CGREF1: variants seen among roughly 807,000 people sequenced by gnomAD.
CGREF1 encodes the protein cell growth regulator with EF-hand domain 1, also known as cell growth regulator with EF hand domain protein 1.
Under a neutral mutation model 17.4 loss-of-function variants are expected in CGREF1, and 16 were observed. The ratio of observed to expected loss-of-function variants is 0.92; its 90% CI spans 0.62 to 1.40. CGREF1 has a LOEUF of 1.40. CGREF1 is among the 40% of genes most tolerant of loss of function. The pLI is 0.00. For missense variants in CGREF1, 296 were observed against 376.4 expected, an observed-to-expected ratio of 0.79 and a Z score of 1.77; for synonymous variants, 142 against 154.6, an observed-to-expected ratio of 0.92 and a Z score of 0.61.
chr2:27,103,839 C>A (rs1432155919), intron 2 of CGREF1, among the ~76,000 whole-genome samples: 4 of 152,070 alleles, frequency 2.6e-5, no homozygotes, highest in Admixed American at 6.5e-5. Context: ...AAAAATTAGC[C>A]CAGCATGGTG....
At chr2:27,107,362 C>G (rs183479459) in intron 1 of CGREF1, among the ~76,000 whole-genome samples, 1 of 152,030 alleles carries the variant, frequency 6.6e-6, no homozygotes, top group Non-Finnish European at 1.5e-5. Context: ...TCCAGCAATT[C>G]CCCTGCCTCA....
At chr2:27,111,128 T>C (rs1671363200) in intron 1 of CGREF1, among the ~76,000 whole-genome samples, 1 of 152,236 alleles carries the variant, frequency 6.6e-6, no homozygotes, top group African/African-American at 2.4e-5. Flanking sequence ...AGCCTGCTTT[T>C]ATTCTCTTAT....
At chr2:27,117,709 T>C (rs77026824) in intron 1 of CGREF1, among the ~76,000 whole-genome samples, 2 of 147,474 alleles carry the variant, frequency 1.4e-5, no homozygotes, top group African/African-American at 5.0e-5. Flanking sequence ...ATCTGAATTT[T>C]TTTTTTTTTT....
chr2:27,099,426 G>T (rs1670643254), downstream of CGREF1: 3 of 1,613,918 alleles, frequency 1.9e-6, no homozygotes, highest in Non-Finnish European at 1.7e-6. Context: ...GCAGGGCTGT[G>T]CTTGTCTGTG....
chr2:27,117,176 G>A (rs1671619835), intron 1 of CGREF1, among the ~76,000 whole-genome samples: 1 of 152,106 alleles, frequency 6.6e-6, no homozygotes, highest in South Asian at 2.1e-4. Context: ...CTCCCAAAGT[G>A]CTGGGATTAC....
At chr2:27,103,113 T>C in intron 2 of CGREF1, 5 of 985,370 alleles carry the variant, frequency 5.1e-6, no homozygotes, top group Non-Finnish European at 6.0e-6. Context: ...TTGTCAGTCT[T>C]TCAAGCTCCA....
chr2:27,113,016 C>T (rs1293149770), intron 1 of CGREF1, among the ~76,000 whole-genome samples: 1 of 152,132 alleles, frequency 6.6e-6, no homozygotes, highest in Non-Finnish European at 1.5e-5. Context: ...GAGATGAGTG[C>T]CTTGTTTCCA....
intron 1 of CGREF1, among the ~76,000 whole-genome samples, chr2:27,116,924 T>TCTCTCTCTCTCTCTCTCTCTCTCTCTCTG (rs1558467022): frequency 1.1e-5 from 1 of 92,496 alleles, no homozygotes; most frequent in Non-Finnish European, 2.1e-5. Context: ...TCTCTCTCTC[T>TCTCTCTCTCTCTCTCTCTCTCTCTCTCTG]TTTTTTGAGA....
Position 27,101,041 on chromosome 2 carries a change from T to G in CGREF1, c.*233A>C. 1 of 1,326,712 alleles carries G rather than the reference T, an allele frequency of 7.5e-7. No homozygotes were observed. The highest frequency in any genetic ancestry group is 9.6e-7 in the Non-Finnish European group (1 of 1,045,220). 82.2% of individuals were successfully genotyped at this position (1,326,712 alleles called of 1,614,324 possible). ...CCAACCCCGTTCCTCTGAGAGGGTC[T>G]GGGCAGGCTGGACGGGTAGAGAGGT... On this transcript the variant is annotated 3_prime_UTR_variant, in exon 6 of 6. Transcript: ENST00000402394.
chr2:27,102,916 G>A, intron 2 of CGREF1: 1 of 985,258 alleles, frequency 1.0e-6, no homozygotes, highest in Non-Finnish European at 1.2e-6. Flanking sequence ...TGAGTGGCAG[G>A]ACAACATGGG....
At chr2:27,104,470 C>G in intron 1 of CGREF1, 93 bp from the exon 2 acceptor site, 1 of 1,555,602 alleles carries the variant, frequency 6.4e-7, no homozygotes, top group Non-Finnish European at 8.7e-7. Flanking sequence ...CATTTTCTGC[C>G]TGCTTCTACC....
chr2:27,101,937 A>G (rs745826012), intron 5 of CGREF1, 49 bp from the exon 6 acceptor site: 2 of 1,593,746 alleles, frequency 1.3e-6, no homozygotes, highest in African/African-American at 2.7e-5. Flanking sequence ...AGATGTTCCC[A>G]GGAGTTCTGA....
At chr2:27,103,720 C>T (rs545334426) in intron 2 of CGREF1, among the ~76,000 whole-genome samples, 1 of 151,050 alleles carries the variant, frequency 6.6e-6, no homozygotes, top group Non-Finnish European at 1.5e-5. Flanking sequence ...CACGGTGGCT[C>T]ATGCCTGTAA....
intron 1 of CGREF1, among the ~76,000 whole-genome samples, chr2:27,106,898 A>G (rs935974419): frequency 3.9e-5 from 6 of 152,206 alleles, no homozygotes; most frequent in Admixed American, 2.0e-4. Flanking sequence ...GATTACAGGC[A>G]TGAACCACTG....
rs775384860 is a variant in CGREF1, at chr2:27,102,330, G to A, written c.217+30C>T. ...CAGATCTGGCTGCCCAGAGCCTCCC[G>A]TCCCTGGCCCCATCAGCCCAGCCCC... On this transcript the variant is annotated intron_variant, in intron 4 of 5. Transcript: ENST00000402394. 12 of 1,613,248 alleles carry A rather than the reference G, an allele frequency of 7.4e-6. 1 individual carries two copies. Among genetic ancestry groups the A allele is most frequent in the Admixed American group, 1.7e-5 (1 of 59,974 alleles).
chr2:27,103,926 T>A (rs1010610647), intron 2 of CGREF1, among the ~76,000 whole-genome samples: 1 of 152,076 alleles, frequency 6.6e-6, no homozygotes, highest in African/African-American at 2.4e-5. Flanking sequence ...GAGCTCGCAG[T>A]GAGCTGAGAT....
Position 27,101,255 on chromosome 2 carries a change from G to T in CGREF1, c.*19C>A. 2.0e-6 allele frequency: 3 copies of T among 1,529,822 alleles called. No individual in the cohort carries two copies. The highest frequency in any genetic ancestry group is 2.6e-6 in the Non-Finnish European group (3 of 1,138,400). The allele number at this position is 1,529,822 out of a possible 1,614,324, so 94.8% of individuals were successfully genotyped here. Reference sequence around the variant, plus strand: ...TGTTCTGGCACTGAGACTTCGTGGGGTACCTGTATCTTCAAGATCTAGATC... The same window carrying T: ...TGTTCTGGCACTGAGACTTCGTGGGTTACCTGTATCTTCAAGATCTAGATC... On this transcript the variant is annotated 3_prime_UTR_variant, in exon 6 of 6. Transcript: ENST00000402394.
At chr2:27,102,631 C>T in intron 2 of CGREF1, 40 bp from the exon 3 acceptor site, 1 of 1,574,616 alleles carries the variant, frequency 6.4e-7, no homozygotes, top group Non-Finnish European at 8.6e-7. Context: ...CAGAGAGCCT[C>T]CCTCAGGGCC....
chr2:27,104,527 G>A, intron 1 of CGREF1, 150 bp from the exon 2 acceptor site: 4 of 1,550,940 alleles, frequency 2.6e-6, no homozygotes, highest in Non-Finnish European at 3.5e-6. Context: ...CTCACAGACA[G>A]ACAGCAGGGA....
Sources: allele counts gnomAD v4.1 joint callset (sites outside exome capture counted in the v4.1 genomes callset), GRCh38; gene constraint gnomAD v4.1.1; transcripts MANE v1.5; gene names NCBI Gene and HGNC (gene_info 2026-07-23, HGNC 2026-07-21).